Variants in CHD9NB observed in about 807,000 individuals in gnomAD.
CHD9NB encodes the protein CHD9 neighbor protein.
the CHD9NB span, among the ~76,000 whole-genome samples, chr16:53,045,200 C>T: frequency 2.0e-5 from 3 of 152,090 alleles, no homozygotes; most frequent in East Asian, 1.9e-4. Flanking sequence ...TGGGTTCAAG[C>T]GATCTGCCTG....
the CHD9NB span, among the ~76,000 whole-genome samples, chr16:53,047,054 G>A: frequency 6.6e-6 from 1 of 152,268 alleles, no homozygotes; most frequent in South Asian, 2.1e-4. Flanking sequence ...AAAGATGGAT[G>A]GGACCTCAGT....
the CHD9NB span, among the ~76,000 whole-genome samples, chr16:53,038,472 CG>C: frequency 0.17 from 21,871 of 127,476 alleles, 1,734 homozygotes; most frequent in Middle Eastern, 0.24. Context: ...CTCAGCCTCC[CG>C]AGTAGTAGCT....
the CHD9NB span, chr16:53,044,033 C>T: frequency 1.3e-5 from 5 of 398,706 alleles, no homozygotes; most frequent in Admixed American, 4.4e-5. Flanking sequence ...CATCCTTCAG[C>T]GGGGCATCCT....
the CHD9NB span, among the ~76,000 whole-genome samples, chr16:53,048,556 C>G: frequency 7.9e-5 from 12 of 152,382 alleles, no homozygotes; most frequent in African/African-American, 2.9e-4. Flanking sequence ...TTCTCTCTCT[C>G]CTGCTTCTCA....
the CHD9NB span, among the ~76,000 whole-genome samples, chr16:53,052,367 T>C: frequency 1.3e-5 from 2 of 152,124 alleles, no homozygotes; most frequent in African/African-American, 2.4e-5. Context: ...ATCACCTGGA[T>C]GACAGAACAA....
At chr16:53,040,083 T>C in the CHD9NB span, among the ~76,000 whole-genome samples, 1 of 152,010 alleles carries the variant, frequency 6.6e-6, no homozygotes, top group African/African-American at 2.4e-5. Flanking sequence ...CCTTTTTTTT[T>C]GGTACGGAGT....
chr16:53,043,789 C>T, the CHD9NB span: 1 of 380,144 alleles, frequency 2.6e-6, no homozygotes. Context: ...TGTGGGAGAG[C>T]TGGGGAAATA....
the CHD9NB span, among the ~76,000 whole-genome samples, chr16:53,049,991 G>A: frequency 3.3e-5 from 5 of 152,234 alleles, no homozygotes; most frequent in South Asian, 6.2e-4. Context: ...ATCACTTGAC[G>A]TCAGGAGTTC....
At chr16:53,045,364 T>C in the CHD9NB span, among the ~76,000 whole-genome samples, 4 of 152,210 alleles carry the variant, frequency 2.6e-5, no homozygotes, top group African/African-American at 9.7e-5. Context: ...GCTTTTAATC[T>C]GGGACACATG....
the CHD9NB span, among the ~76,000 whole-genome samples, chr16:53,037,865 A>G: frequency 4.0e-4 from 61 of 152,320 alleles, no homozygotes; most frequent in African/African-American, 1.3e-3. Context: ...TTAACCCCCT[A>G]TATTAGTCAG....
the CHD9NB span, chr16:53,035,963 T>TA: frequency 9.1e-3 from 1,165 of 128,004 alleles, 14 homozygotes; most frequent in Admixed American, 9.6e-3. Flanking sequence ...AGACCCTTTC[T>TA]AAAAAAAAAA....
At chr16:53,047,289 G>A in the CHD9NB span, 1 of 152,158 alleles carries the variant, frequency 6.6e-6, no homozygotes, top group East Asian at 1.9e-4. Context: ...AGCCCCTAGA[G>A]AAAACAGTTT....
At chr16:53,043,957 G>T in the CHD9NB span, 1 of 398,698 alleles carries the variant, frequency 2.5e-6, no homozygotes. Flanking sequence ...GCCAAAGGCA[G>T]TTCCAGGAAG....
chr16:53,040,342 G>A, the CHD9NB span, among the ~76,000 whole-genome samples: 1 of 151,970 alleles, frequency 6.6e-6, no homozygotes, highest in African/African-American at 2.4e-5. Flanking sequence ...CCAAAGTGCT[G>A]GGATTACAGG....
chr16:53,040,456 T>C, the CHD9NB span, among the ~76,000 whole-genome samples: 1 of 152,214 alleles, frequency 6.6e-6, no homozygotes, highest in East Asian at 1.9e-4. Context: ...CACTGTACAT[T>C]GTGCCCCATG....
chr16:53,041,714 T>C, the CHD9NB span, among the ~76,000 whole-genome samples: 4 of 151,938 alleles, frequency 2.6e-5, no homozygotes, highest in Admixed American at 1.3e-4. Context: ...GCTCTCACCA[T>C]GCACAGTCCT....
the CHD9NB span, among the ~76,000 whole-genome samples, chr16:53,048,536 T>C: frequency 1.2e-4 from 18 of 152,218 alleles, no homozygotes; most frequent in Admixed American, 1.2e-3. Context: ...GTACTCGAGA[T>C]CATTTAAAAT....
At chr16:53,051,790 T>C in the CHD9NB span, among the ~76,000 whole-genome samples, 5 of 138,752 alleles carry the variant, frequency 3.6e-5, no homozygotes, top group African/African-American at 5.6e-5. Context: ...TATATATATA[T>C]ATATATATAT....
At chr16:53,038,610 C>T in the CHD9NB span, among the ~76,000 whole-genome samples, 4 of 152,194 alleles carry the variant, frequency 2.6e-5, no homozygotes, top group Non-Finnish European at 1.5e-5. Flanking sequence ...CTCGGCCTCC[C>T]AAAGTGCTGG....
Sources: allele counts gnomAD v4.1 joint callset (sites outside exome capture counted in the v4.1 genomes callset), GRCh38; gene constraint gnomAD v4.1.1; transcripts MANE v1.5; gene names NCBI Gene and HGNC (gene_info 2026-07-23, HGNC 2026-07-21).